The following LRBA variants were observed in gnomAD, a reference collection of about 807,000 sequenced individuals.
The protein encoded by LRBA is lipopolysaccharide-responsive and beige-like anchor protein.
LRBA carries 176 observed loss-of-function variants against 330.0 expected under a neutral mutation model. The ratio of observed to expected loss-of-function variants is 0.53; its 90% CI spans 0.47 to 0.60. The LOEUF (loss-of-function observed/expected upper bound fraction) is 0.60, where lower values mean the gene tolerates loss of function less well. Ranked by LOEUF, LRBA falls within the 20% of genes least tolerant of loss-of-function variation. The pLI, the probability that LRBA is intolerant of heterozygous loss-of-function variation, is 0.00. For synonymous variants in LRBA, 1,230 were observed against 1,193.0 expected, an observed-to-expected ratio of 1.03 and a Z score of -0.64; for missense variants, 3,259 against 3,444.8, an observed-to-expected ratio of 0.95 and a Z score of 1.35.
chr4:150,489,632 A>G (rs1175703976), intron 41 of LRBA, among the ~76,000 whole-genome samples: 1 of 121,556 alleles, frequency 8.2e-6, no homozygotes, highest in African/African-American at 3.2e-5. Context: ...AATATATAAT[A>G]TATAAGAATA....
intron 41 of LRBA, among the ~76,000 whole-genome samples, chr4:150,489,249 ATATAT>A (rs1328810046): frequency 9.5e-6 from 1 of 105,228 alleles, no homozygotes; most frequent in Non-Finnish European, 1.7e-5. Context: ...CGAATATATA[ATATAT>A]TATATATAAG....
chr4:150,358,339 G>C (rs752716230), intron 47 of LRBA, among the ~76,000 whole-genome samples: 47 of 152,186 alleles, frequency 3.1e-4, no homozygotes, highest in Non-Finnish European at 1.5e-4. Flanking sequence ...AGAGTATAAG[G>C]AGAAGGACAC....
chr4:150,930,707 T>A (rs1148643), intron 2 of LRBA, among the ~76,000 whole-genome samples: 151,244 of 152,306 alleles, frequency 0.99, 75,104 homozygotes, highest in Middle Eastern at 1. Context: ...TGTGAGGATC[T>A]GTACCTGCAT....
chr4:150,823,386 T>A (rs1745756455), intron 30 of LRBA, among the ~76,000 whole-genome samples: 1 of 152,148 alleles, frequency 6.6e-6, no homozygotes, highest in African/African-American at 2.4e-5. Flanking sequence ...AATTATAAGT[T>A]TATTATATAA....
In LRBA at chr4:150,310,277, C is replaced by T. The variant is rs565132015; in HGVS notation, c.7801G>A (p.Val2601Ile). Reference protein sequence around the residue: ...VITSDNRYILVCGFWDKSFRV... With the variant: ...VITSDNRYILICGFWDKSFRV... ...AAACTTTTATCCCAGAAGCCACAGA[C>T]GAGAATATAGCGGTTGTCTGAAGTG... The change falls in exon 52 of 57, where the codon GTC (valine) becomes ATC (isoleucine). Residue 2601 changes from valine (V) to isoleucine (I), a missense_variant. Val to Ile is a conservative substitution (Grantham distance 29). Transcript: ENST00000651943. 7.8e-5 allele frequency: 125 copies of T among 1,612,698 alleles called. No homozygotes were observed. Among genetic ancestry groups the T allele is most frequent in the East Asian group, 1.3e-4 (6 of 44,862 alleles).
At position 150,302,706 on chromosome 4, in the gene LRBA, T is replaced by C; in HGVS notation, c.7936A>G (p.Ile2646Val). 6.2e-7 allele frequency: 1 copy of C among 1,613,102 alleles called. No individual in the cohort carries two copies. Among genetic ancestry groups the C allele is most frequent in the Non-Finnish European group, 8.5e-7 (1 of 1,179,350 alleles). ...SESYIGGNCY[I>V]LSGSRDATLL... is the part of the protein sequence containing the mutation. ...GTTGCATCACGTGACCCTGAGAGAA[T>C]GTAGCAATTTCCCCCAATATATGAC... The change falls in exon 53 of 57, where the codon ATT (isoleucine) becomes GTT (valine). Residue 2646 changes from isoleucine to valine, a missense_variant. By Grantham distance (29) the Ile-to-Val change is conservative. Coordinates refer to ENST00000651943, the MANE Select transcript of LRBA (RefSeq NM_001364905.1).
chr4:150,733,287 A>C (rs1000229170), intron 36 of LRBA, among the ~76,000 whole-genome samples: 1 of 152,078 alleles, frequency 6.6e-6, no homozygotes, highest in African/African-American at 2.4e-5. Flanking sequence ...CATCCTGCCA[A>C]TGTTAATTTT....
At position 150,957,927 on chromosome 4, in the gene LRBA, C is replaced by T. The variant is rs568540180; in HGVS notation, c.217-28862G>A. Reference sequence around the variant, plus strand: ...GGGTTCCCACGGTCTTGGGCAGCTCCGCCCCTGTGGCTTTGCAGGGTACAG... The same window carrying T: ...GGGTTCCCACGGTCTTGGGCAGCTCTGCCCCTGTGGCTTTGCAGGGTACAG... On this transcript the variant is annotated intron_variant, in intron 2 of 56. Transcript: ENST00000651943. Among the ~76,000 whole-genome samples the T allele has an allele frequency of 1.3e-4, 19 of 149,530 alleles. 2 individuals are homozygous for T. Among genetic ancestry groups the T allele is most frequent in the African/African-American group, 4.1e-4 (16 of 38,878 alleles).
intron 50 of LRBA, among the ~76,000 whole-genome samples, chr4:150,317,032 G>C (rs1468963232): frequency 6.6e-6 from 1 of 152,084 alleles, no homozygotes; most frequent in Non-Finnish European, 1.5e-5. Flanking sequence ...ATGTTAATGA[G>C]CATATAATGA....
At chr4:150,430,282 C>T (rs184246251) in intron 46 of LRBA, among the ~76,000 whole-genome samples, 2 of 152,286 alleles carry the variant, frequency 1.3e-5, no homozygotes, top group Admixed American at 1.3e-4. Context: ...AAGGGCAATA[C>T]ATATGTCAAC....
chr4:150,554,453 A>G lies in LRBA; in HGVS notation c.6330+33595T>C, dbSNP rs1767026551. 1.3e-5 allele frequency among the ~76,000 whole-genome samples: 2 copies of G among 152,222 alleles called. 1 individual carries two copies. Among genetic ancestry groups the G allele is most frequent in the South Asian group, 4.1e-4 (2 of 4,828 alleles). ...AAATGTAATAATCTGCTAGAGAATT[A>G]GGCCATAAGGAATATCTGTTATTTT... is the stretch of plus-strand genomic sequence containing the variant. On this transcript the variant is annotated intron_variant, in intron 40 of 56. Coordinates refer to ENST00000651943, the MANE Select transcript of LRBA (RefSeq NM_001364905.1).
intron 40 of LRBA, among the ~76,000 whole-genome samples, chr4:150,501,440 G>A (rs6829838): frequency 4.7e-4 from 72 of 152,144 alleles, no homozygotes; most frequent in African/African-American, 1.6e-3. Context: ...GCAAAACCCC[G>A]TCTCTGCTAA....
intron 30 of LRBA, among the ~76,000 whole-genome samples, chr4:150,818,367 A>G (rs187760931): frequency 6.6e-6 from 1 of 152,200 alleles, no homozygotes; most frequent in African/African-American, 2.4e-5. Context: ...ACTTCAGGGT[A>G]GCTGGTGTCA....
chr4:150,895,291 TTTTA>T (rs950404787), intron 16 of LRBA, among the ~76,000 whole-genome samples: 1 of 152,204 alleles, frequency 6.6e-6, no homozygotes, highest in African/African-American at 2.4e-5. Flanking sequence ...TTTTATTTTT[TTTTA>T]ATTACACTTC....
At chr4:150,608,150 G>A (rs961282606) in intron 37 of LRBA, among the ~76,000 whole-genome samples, 2 of 152,208 alleles carry the variant, frequency 1.3e-5, no homozygotes, top group African/African-American at 4.8e-5. Context: ...GGTTGAGGTT[G>A]CAGTGAGCTG....
At chr4:150,351,213 G>A (rs895694288) in intron 47 of LRBA, among the ~76,000 whole-genome samples, 11 of 151,994 alleles carry the variant, frequency 7.2e-5, no homozygotes, top group Non-Finnish European at 1.3e-4. Flanking sequence ...ATTTAATAAC[G>A]TTATAAATAC....
At chr4:150,674,703 C>T (rs182507635) in intron 37 of LRBA, among the ~76,000 whole-genome samples, 19 of 147,672 alleles carry the variant, frequency 1.3e-4, no homozygotes, top group South Asian at 1.1e-3. Context: ...ACAGTAAGAC[C>T]CCATCTCGAC....
Position 150,613,974 on chromosome 4 carries a change from T to C in LRBA, c.5922-14843A>G, listed in dbSNP as rs752335964. Among the ~76,000 whole-genome samples the C allele has an allele frequency of 6.0e-4, 92 of 152,330 alleles. 1 individual carries two copies. The Middle Eastern group carries it at 0.014, about 23-fold the overall frequency. The stretch of plus-strand genomic sequence containing the variant: ...CCCGCTAGCCCTTCCTCTGACCTCG[T>C]GTCCATAAAACTACCAGAGTCTTTA... On this transcript the variant is annotated intron_variant, in intron 37 of 56. Coordinates refer to ENST00000651943, the MANE Select transcript of LRBA (RefSeq NM_001364905.1).
At chr4:150,406,905 C>T (rs1452446631) in intron 47 of LRBA, among the ~76,000 whole-genome samples, 1 of 152,224 alleles carries the variant, frequency 6.6e-6, no homozygotes, top group East Asian at 1.9e-4. Context: ...CTCAGCCTCC[C>T]GAGTAGCTGG....
Sources: gnomAD v4.1 joint callset for allele counts (sites outside exome capture counted in the v4.1 genomes callset) on GRCh38, gnomAD v4.1.1 for gene constraint, MANE v1.5 for transcripts, NCBI Gene and HGNC (gene_info 2026-07-23, HGNC 2026-07-21) for gene names.